NAV3: variants seen among roughly 807,000 people sequenced by gnomAD.
The protein encoded by NAV3 is neuron navigator 3, also known as pore membrane and/or filament interacting like protein 1.
Under a neutral mutation model 244.7 loss-of-function variants are expected in NAV3, and 87 were observed. The observed-to-expected ratio is 0.36, with a 90% CI of 0.30 to 0.42. The LOEUF (loss-of-function observed/expected upper bound fraction) is 0.42, where lower values mean the gene tolerates loss of function less well. NAV3 is among the 20% of genes least tolerant of loss of function. The pLI, the probability that NAV3 is intolerant of heterozygous loss-of-function variation, is 1.00. For synonymous variants in NAV3, 1,126 were observed against 1,042.2 expected (o/e 1.08, Z -1.55); for missense variants, 2,663 against 2,893.3 (o/e 0.92, Z 1.83).
rs968418065 is a variant in NAV3 at position 78,119,271 on chromosome 12, A to G, written c.3075A>G (p.Gly1025=). ...KTDDAKASEK[G]KAPLKGSSLQ... Reference sequence around the variant, plus strand: ...ATGATGCCAAAGCTTCTGAGAAAGGAAAAGCTCCCCTAAAAGGATCATCTC... The same window carrying G: ...ATGATGCCAAAGCTTCTGAGAAAGGGAAAGCTCCCCTAAAAGGATCATCTC... Residue 1025 remains glycine, a synonymous_variant, in exon 15 of 40, where the codon GGA becomes GGG. Coordinates refer to ENST00000397909, the MANE Select transcript of NAV3 (RefSeq NM_001024383.2). The G allele has an allele frequency of 4.3e-6, 7 of 1,613,478 alleles. No homozygotes were observed. The highest frequency in any genetic ancestry group is 5.9e-6 in the Non-Finnish European group (7 of 1,179,834).
chr12:77,879,998 T>C (rs1171256762), intron 1 of NAV3, among the ~76,000 whole-genome samples: 27 of 152,136 alleles, frequency 1.8e-4, no homozygotes, highest in Admixed American at 1.8e-3. Context: ...AATCCCTGCC[T>C]TACAGGAATG....
intron 28 of NAV3, 37 bp downstream of exon 28, chr12:78,177,722 C>A (rs367582750): frequency 6.0e-5 from 94 of 1,574,454 alleles, no homozygotes; most frequent in Non-Finnish European, 7.9e-5. Context: ...CTGCAAAGAT[C>A]CAGGTTCTAA....
chr12:78,101,831 T>C (rs1409255120), intron 12 of NAV3, among the ~76,000 whole-genome samples: 3 of 152,182 alleles, frequency 2.0e-5, no homozygotes, highest in Non-Finnish European at 4.4e-5. Context: ...ATTTTGATAC[T>C]AAAACCCAAA....
At chr12:78,031,432 G>A (rs1174565140) in intron 9 of NAV3, among the ~76,000 whole-genome samples, 1 of 152,034 alleles carries the variant, frequency 6.6e-6, no homozygotes, top group Admixed American at 6.6e-5. Context: ...GTGACTGTTT[G>A]AGGACTGGAT....
chr12:78,142,260 AT>A (rs1019076391), intron 20 of NAV3, among the ~76,000 whole-genome samples: 1 of 152,030 alleles, frequency 6.6e-6, no homozygotes. Flanking sequence ...AATATTAAAG[AT>A]TTTTTTGAAA....
chr12:77,610,316 A>G (rs1870855039), intron 2 of NAV3, among the ~76,000 whole-genome samples: 1 of 152,090 alleles, frequency 6.6e-6, no homozygotes, highest in South Asian at 2.1e-4. Context: ...TGTCTCTGAT[A>G]TATATACATT....
chr12:77,741,163 AAAAGAAAAG>A (rs1231139708), intron 2 of NAV3, among the ~76,000 whole-genome samples: 1 of 148,946 alleles, frequency 6.7e-6, no homozygotes, highest in African/African-American at 2.5e-5. Flanking sequence ...AAAAAAAAAA[AAAAGAAAAG>A]AAAGAAAAAG....
intron 2 of NAV3, among the ~76,000 whole-genome samples, chr12:77,809,574 A>C (rs989679601): frequency 6.6e-6 from 1 of 152,192 alleles, no homozygotes; most frequent in Admixed American, 6.5e-5. Flanking sequence ...GGCCTTCTGC[A>C]TTGATCTCGC....
intron 2 of NAV3, among the ~76,000 whole-genome samples, chr12:77,824,702 G>T (rs11614100): frequency 0.017 from 2,654 of 152,008 alleles, 33 homozygotes; most frequent in Non-Finnish European, 0.027. Context: ...AGACCAGCCT[G>T]GCCAATATGG....
At chr12:77,727,839 A>C (rs1270580808) in intron 2 of NAV3, among the ~76,000 whole-genome samples, 1 of 151,946 alleles carries the variant, frequency 6.6e-6, no homozygotes, top group Non-Finnish European at 1.5e-5. Context: ...TCTGTATTAC[A>C]TAATGGACAA....
At chr12:78,071,277 T>C (rs1952750577) in intron 12 of NAV3, among the ~76,000 whole-genome samples, 1 of 152,218 alleles carries the variant, frequency 6.6e-6, no homozygotes, top group Non-Finnish European at 1.5e-5. Context: ...TCACTGTGGT[T>C]TTGATTTGCA....
chr12:77,889,355 C>T (rs552568288), intron 1 of NAV3, among the ~76,000 whole-genome samples: 1 of 152,282 alleles, frequency 6.6e-6, no homozygotes, highest in Admixed American at 6.5e-5. Flanking sequence ...CTCATGCTCT[C>T]AGACTTGGAC....
chr12:78,203,097 G>A (rs1040463217), intron 38 of NAV3, among the ~76,000 whole-genome samples: 6 of 151,926 alleles, frequency 3.9e-5, no homozygotes, highest in African/African-American at 1.5e-4. Flanking sequence ...ATTTTTTTCT[G>A]GTGGATTCTT....
chr12:78,037,051 C>T, intron 9 of NAV3: 1 of 702,928 alleles, frequency 1.4e-6, no homozygotes. Flanking sequence ...GCCAACTATG[C>T]AGAGCGGCGC....
chr12:77,621,912 T>C (rs940958025), intron 2 of NAV3, among the ~76,000 whole-genome samples: 1 of 152,206 alleles, frequency 6.6e-6, no homozygotes, highest in African/African-American at 2.4e-5. Flanking sequence ...TCATTTGATA[T>C]CTTAGAATCA....
At chr12:77,725,005 T>C (rs1876813651) in intron 2 of NAV3, among the ~76,000 whole-genome samples, 1 of 152,032 alleles carries the variant, frequency 6.6e-6, no homozygotes, top group Non-Finnish European at 1.5e-5. Flanking sequence ...GTAAATTCAC[T>C]AACCTTAAAA....
At chr12:78,111,925 A>AAT (rs1232986621) in intron 12 of NAV3, among the ~76,000 whole-genome samples, 1 of 152,208 alleles carries the variant, frequency 6.6e-6, no homozygotes, top group Non-Finnish European at 1.5e-5. Context: ...ATAGTAAAGA[A>AAT]ATATATATTT....
chr12:77,738,539 G>A (rs1290634485), intron 2 of NAV3, among the ~76,000 whole-genome samples: 1 of 152,200 alleles, frequency 6.6e-6, no homozygotes. Flanking sequence ...AGAAGGAAGT[G>A]TTCAAGCACA....
chr12:78,168,291 C>T (rs890222931), intron 23 of NAV3, among the ~76,000 whole-genome samples: 7 of 151,750 alleles, frequency 4.6e-5, no homozygotes, highest in Non-Finnish European at 8.9e-5. Flanking sequence ...ATTTTGCAGG[C>T]ACAAAATACT....
Sources: allele counts gnomAD v4.1 joint callset (sites outside exome capture counted in the v4.1 genomes callset), GRCh38; gene constraint gnomAD v4.1.1; transcripts MANE v1.5; gene names NCBI Gene and HGNC (gene_info 2026-07-23, HGNC 2026-07-21).